Variants in RASSF3 observed in about 807,000 individuals in gnomAD.
RASSF3 encodes ras association domain-containing protein 3.
Under a neutral mutation model 19.9 loss-of-function variants are expected in RASSF3, and 19 were observed. The ratio of observed to expected loss-of-function variants is 0.96; its 90% CI spans 0.67 to 1.40. RASSF3 has a LOEUF of 1.40. Among genes scored for constraint, RASSF3 ranks in the 40% most tolerant of loss-of-function variants. The pLI is 0.00. For synonymous variants in RASSF3, 110 were observed against 104.2 expected (o/e 1.06, Z -0.34); for missense variants, 306 against 289.8 (o/e 1.06, Z -0.41).
At chr12:64,585,897 C>G (rs900820522) in intron 2 of RASSF3, among the ~76,000 whole-genome samples, 2 of 152,158 alleles carry the variant, frequency 1.3e-5, no homozygotes, top group Admixed American at 6.6e-5. Context: ...TGAGCCGGTG[C>G]ACCTGGCCAA....
intron 1 of RASSF3, among the ~76,000 whole-genome samples, chr12:64,674,183 A>C (rs1329974193): frequency 6.6e-6 from 1 of 152,234 alleles, no homozygotes; most frequent in Non-Finnish European, 1.5e-5. Context: ...ACAGAAGTAC[A>C]TCAAACTTTG....
At chr12:64,602,017 T>C (rs1188879501) in intron 2 of RASSF3, among the ~76,000 whole-genome samples, 1 of 149,016 alleles carries the variant, frequency 6.7e-6, no homozygotes, top group Non-Finnish European at 1.5e-5. Context: ...CTCGGGAGGC[T>C]GAGGCGGGAG....
Position 64,679,046 on chromosome 12 carries a change from T to G in RASSF3, c.112-5741T>G, listed in dbSNP as rs1873018952. Reference sequence around the variant, plus strand: ...ATGATAGGGCCACATTCACCTTCTCTCTTTTGAACAGTCACTCGTTTTTTG... The same window carrying G: ...ATGATAGGGCCACATTCACCTTCTCGCTTTTGAACAGTCACTCGTTTTTTG... On this transcript the variant is annotated intron_variant, in intron 1 of 4. Coordinates refer to ENST00000542104, the MANE Select transcript of RASSF3 (RefSeq NM_178169.4). 2.0e-5 allele frequency among the ~76,000 whole-genome samples: 3 copies of G among 152,176 alleles called. No homozygotes were observed. The South Asian group carries it at 6.2e-4, about 31-fold the overall frequency.
chr12:64,577,460 G>C (rs2136133248), intron 2 of RASSF3, among the ~76,000 whole-genome samples: 1 of 152,352 alleles, frequency 6.6e-6, no homozygotes, highest in South Asian at 2.1e-4. Flanking sequence ...GTTGGGTTTG[G>C]TGGCTCATGC....
intron 1 of RASSF3, among the ~76,000 whole-genome samples, chr12:64,525,924 CAA>C (rs36047517): frequency 0.28 from 42,801 of 151,900 alleles, 6,884 homozygotes; most frequent in Middle Eastern, 0.41. Flanking sequence ...CCAAAGGCTG[CAA>C]AGAGTCTCAA....
intron 1 of RASSF3, among the ~76,000 whole-genome samples, chr12:64,525,521 AG>A (rs1194643620): frequency 6.6e-6 from 1 of 152,132 alleles, no homozygotes; most frequent in Admixed American, 6.6e-5. Flanking sequence ...TGCCTGGGTC[AG>A]GCAGCTCTTC....
At position 64,642,281 on chromosome 12, in the gene RASSF3, C is replaced by T. The variant is rs907308657; in HGVS notation, c.111+31538C>T. On this transcript the variant is annotated intron_variant, in intron 1 of 4. Transcript: ENST00000542104. ...TCTTATGAGAAGGTTCATCAAGGGC[C>T]GGGCCCGGTTTCTCATGCCTGTAAT... 7.9e-5 allele frequency among the ~76,000 whole-genome samples: 12 copies of T among 151,646 alleles called. 1 individual carries two copies. Among genetic ancestry groups the T allele is most frequent in the African/African-American group, 2.9e-4 (12 of 41,262 alleles).
At chr12:64,638,725 C>T (rs555073600) in intron 1 of RASSF3, among the ~76,000 whole-genome samples, 2 of 152,226 alleles carry the variant, frequency 1.3e-5, no homozygotes, top group South Asian at 4.1e-4. Context: ...TCATTTTGAT[C>T]ATTGCCATCC....
intron 2 of RASSF3, among the ~76,000 whole-genome samples, chr12:64,581,023 C>T (rs1258643573): frequency 6.6e-6 from 1 of 151,632 alleles, no homozygotes; most frequent in East Asian, 1.9e-4. Flanking sequence ...TATCTACTTA[C>T]ACATTTATAC....
rs1592408133 is a variant in RASSF3, at chr12:64,583,471, A to G, written c.294+41766A>G. 5.3e-5 allele frequency among the ~76,000 whole-genome samples: 8 copies of G among 152,210 alleles called. No individual in the cohort carries two copies. In the South Asian group the frequency reaches 1.7e-3, roughly 32 times the overall value. ...ACTTCATCTCTACTAAAAATACAAA[A>G]ATTAGCCAGGCATGGTAGCGTGCGC... On this transcript the variant is annotated intron_variant, in intron 2 of 5. Transcript: ENST00000637125.
In RASSF3 at chr12:64,643,371, A is replaced by G. The variant is rs1871613563; in HGVS notation, c.111+32628A>G. Among the ~76,000 whole-genome samples, 2 of 152,168 alleles carry G rather than the reference A, an allele frequency of 1.3e-5. 1 individual carries two copies. The highest frequency in any genetic ancestry group is 1.3e-4 in the Admixed American group (2 of 15,280). Reference sequence around the variant, plus strand: ...CATTTTTCAAATGGAAAAGAATTTTAAAACAGCATGTATAGAAGCCGGTGA... The same window carrying G: ...CATTTTTCAAATGGAAAAGAATTTTGAAACAGCATGTATAGAAGCCGGTGA... On this transcript the variant is annotated intron_variant, in intron 1 of 4. Transcript: ENST00000542104.
chr12:64,608,040 A>T (rs1235708112), upstream of RASSF3, among the ~76,000 whole-genome samples: 1 of 151,986 alleles, frequency 6.6e-6, no homozygotes, highest in African/African-American at 2.4e-5. Flanking sequence ...AAGTGCTGGG[A>T]TTACAGGCGT....
rs116649304 is a variant in RASSF3, at chr12:64,630,787, T to C, written c.111+20044T>C. 3.4e-3 allele frequency among the ~76,000 whole-genome samples: 510 copies of C among 150,776 alleles called. 5 individuals carry two copies. Among genetic ancestry groups the C allele is most frequent in the African/African-American group, 0.012 (489 of 41,020 alleles). ...GTGAGAAAGAGGAGTCAAGGAAGAG[T>C]TGTAGGTTTCTGGTTTGGGAGCCTT... On this transcript the variant is annotated intron_variant, in intron 1 of 4. Coordinates refer to ENST00000542104, the MANE Select transcript of RASSF3 (RefSeq NM_178169.4).
At chr12:64,557,898 C>T (rs1047321093) in intron 2 of RASSF3, among the ~76,000 whole-genome samples, 5 of 152,072 alleles carry the variant, frequency 3.3e-5, no homozygotes, top group Non-Finnish European at 7.4e-5. Flanking sequence ...AATTGGGTCC[C>T]CTGGTCAGAT....
intron 2 of RASSF3, among the ~76,000 whole-genome samples, chr12:64,547,409 A>T (rs1188756703): frequency 6.6e-6 from 1 of 152,008 alleles, no homozygotes; most frequent in African/African-American, 2.4e-5. Context: ...TCTACTAAAA[A>T]TACAAAAATT....
chr12:64,547,660 A>G (rs1367342317), intron 2 of RASSF3, among the ~76,000 whole-genome samples: 1 of 152,184 alleles, frequency 6.6e-6, no homozygotes, highest in African/African-American at 2.4e-5. Flanking sequence ...ATATTTAGTT[A>G]TTTGTCAGCT....
At chr12:64,670,616 G>A (rs1872672559) in intron 1 of RASSF3, among the ~76,000 whole-genome samples, 1 of 147,136 alleles carries the variant, frequency 6.8e-6, no homozygotes, top group Non-Finnish European at 1.5e-5. Context: ...AACAGCACTT[G>A]CATGGTCCTT....
intron 1 of RASSF3, among the ~76,000 whole-genome samples, chr12:64,661,838 G>C (rs766284651): frequency 2.0e-5 from 3 of 151,280 alleles, no homozygotes; most frequent in African/African-American, 7.3e-5. Flanking sequence ...CCACCACCAC[G>C]CCTGGCTAAT....
chr12:64,533,037 T>A (rs1458270394), upstream of RASSF3, among the ~76,000 whole-genome samples: 2 of 152,180 alleles, frequency 1.3e-5, no homozygotes, highest in East Asian at 1.9e-4. Flanking sequence ...CAGCCTCTTC[T>A]AATTTGACTT....
Sources: gnomAD v4.1 joint callset for allele counts (sites outside exome capture counted in the v4.1 genomes callset) on GRCh38, gnomAD v4.1.1 for gene constraint, MANE v1.5 for transcripts, NCBI Gene and HGNC (gene_info 2026-07-23, HGNC 2026-07-21) for gene names.